Variants in CBFA2T2 observed in about 807,000 individuals in gnomAD.
CBFA2T2 encodes CBFA2/RUNX1 partner transcriptional co-repressor 2, also known as protein CBFA2T2.
In CBFA2T2, 11 loss-of-function variants were observed where a neutral mutation model predicts 62.2. That is an observed-to-expected ratio of 0.18 (90% CI 0.11 to 0.29). The LOEUF (loss-of-function observed/expected upper bound fraction) is 0.29. CBFA2T2 is among the 10% of genes least tolerant of loss of function. The probability of loss-of-function intolerance (pLI) is 1.00; values close to 1 mark genes in which losing one functional copy is unlikely to be tolerated. For missense variants in CBFA2T2, 592 were observed against 774.1 expected (o/e 0.76, Z 2.79); for synonymous variants, 295 against 287.5 (o/e 1.03, Z -0.27).
intron 5 of CBFA2T2, chr20:33,623,954 G>GAAAAAAAAAAAAAATAA: frequency 3.1e-6 from 1 of 320,170 alleles, no homozygotes. Context: ...GAAAGAATTG[G>GAAAAAAAAAAAAAATAA]AAAAAAAAAA....
At chr20:33,542,439 A>AT (rs542730477) in intron 1 of CBFA2T2, among the ~76,000 whole-genome samples, 2 of 151,216 alleles carry the variant, frequency 1.3e-5, no homozygotes, top group Admixed American at 6.6e-5. Flanking sequence ...TTAGTTTTAA[A>AT]TTTTTTTTTA....
chr20:33,627,141 T>C (rs2016263954), intron 6 of CBFA2T2, among the ~76,000 whole-genome samples: 1 of 152,150 alleles, frequency 6.6e-6, no homozygotes, highest in Admixed American at 6.5e-5. Context: ...TTCATGCCTG[T>C]AATCCCAGCA....
At chr20:33,496,952 C>G (rs1214348396) in intron 1 of CBFA2T2, among the ~76,000 whole-genome samples, 1 of 152,120 alleles carries the variant, frequency 6.6e-6, no homozygotes, top group Non-Finnish European at 1.5e-5. Context: ...GACTCTGTCC[C>G]TTGACTGAAG....
chr20:33,623,162 G>A lies in CBFA2T2; in HGVS notation c.558G>A (p.Ala186=), dbSNP rs368919989. The A allele has an allele frequency of 2.0e-5, 32 of 1,614,218 alleles. No individual in the cohort carries two copies. The African/African-American group carries it at 2.7e-4, about 13-fold the overall frequency. ...GGGAACTGCTGCACTGCGCTCGGGC[G>A]GCCAAGCAGACCCCATCCCAGTACC... ...LQRELLHCAR[A]AKQTPSQYLA... The change falls in exon 5 of 11, where the codon GCG becomes GCA. Residue 186 remains alanine (A), a synonymous_variant. Transcript: ENST00000342704.
chr20:33,640,664 G>C (rs954081794), intron 10 of CBFA2T2, 133 bp downstream of exon 10: 1 of 743,968 alleles, frequency 1.3e-6, no homozygotes, highest in Admixed American at 2.9e-5. Flanking sequence ...TTTATCCAGT[G>C]CCAGGAGAGT....
intron 1 of CBFA2T2, among the ~76,000 whole-genome samples, chr20:33,536,131 C>G (rs999610800): frequency 2.0e-5 from 3 of 152,378 alleles, no homozygotes; most frequent in African/African-American, 7.2e-5. Context: ...TCCCCCCTTT[C>G]TATTCCACAA....
chr20:33,604,873 G>A (rs904239739), intron 1 of CBFA2T2, among the ~76,000 whole-genome samples: 1 of 152,220 alleles, frequency 6.6e-6, no homozygotes, highest in Non-Finnish European at 1.5e-5. Flanking sequence ...CTGGAAATGT[G>A]TCAACTGTTC....
At chr20:33,536,105 A>G (rs1349357254) in intron 1 of CBFA2T2, among the ~76,000 whole-genome samples, 3 of 152,092 alleles carry the variant, frequency 2.0e-5, no homozygotes, top group Admixed American at 6.5e-5. Flanking sequence ...CGATTTCCCA[A>G]TCTTTTCCCC....
At chr20:33,536,376 G>A (rs866704978) in intron 1 of CBFA2T2, among the ~76,000 whole-genome samples, 3 of 150,516 alleles carry the variant, frequency 2.0e-5, no homozygotes, top group Non-Finnish European at 4.5e-5. Flanking sequence ...AGGGGCGGCC[G>A]GGCAGAGGCG....
intron 1 of CBFA2T2, among the ~76,000 whole-genome samples, chr20:33,490,721 C>T (rs890765246): frequency 1.3e-5 from 2 of 152,218 alleles, no homozygotes; most frequent in African/African-American, 4.8e-5. Context: ...TGAGCGCAGG[C>T]TCAGTAGTTG....
chr20:33,635,935 A>G (rs1016537541), intron 8 of CBFA2T2, among the ~76,000 whole-genome samples: 3 of 152,192 alleles, frequency 2.0e-5, no homozygotes, highest in Non-Finnish European at 4.4e-5. Flanking sequence ...ACATTTTTCC[A>G]TAGGCTCAAT....
chr20:33,511,886 A>T (rs1229046986), intron 1 of CBFA2T2, among the ~76,000 whole-genome samples: 1 of 152,098 alleles, frequency 6.6e-6, no homozygotes, highest in Admixed American at 6.6e-5. Context: ...CCCTGTCTCA[A>T]GAAGAAGAAG....
rs1170940977 is a variant in CBFA2T2 at position 33,648,853 on chromosome 20, A to G, written c.*4207A>G. The G allele has an allele frequency of 6.6e-6, 1 of 152,232 alleles. No homozygotes were observed. The highest frequency in any genetic ancestry group is 6.5e-5 in the Admixed American group (1 of 15,290). The allele number at this position is 152,232 out of a possible 1,614,324, so 9.4% of individuals were successfully genotyped here. On this transcript the variant is annotated 3_prime_UTR_variant, in exon 11 of 11. Transcript: ENST00000342704. ...CTTCCAGACAGAAAACCCATGCTTT[A>G]CTTTGTACAGCCCTGTCCCAGAGTT...
At chr20:33,620,611 A>G (rs1170114261) in intron 4 of CBFA2T2, among the ~76,000 whole-genome samples, 2 of 152,238 alleles carry the variant, frequency 1.3e-5, no homozygotes, top group African/African-American at 2.4e-5. Flanking sequence ...AGGCCGAGGC[A>G]GGCAGATTAC....
chr20:33,628,218 C>A, intron 6 of CBFA2T2, 132 bp from the exon 7 acceptor site: 1 of 655,432 alleles, frequency 1.5e-6, no homozygotes, highest in Admixed American at 2.5e-5. Context: ...TGTGGGTCCC[C>A]CACCCCATTG....
intron 1 of CBFA2T2, among the ~76,000 whole-genome samples, chr20:33,586,290 TGCCTCA>T (rs2014366678): frequency 6.6e-6 from 1 of 152,138 alleles, no homozygotes; most frequent in South Asian, 2.1e-4. Flanking sequence ...GTGATTCTTG[TGCCTCA>T]GCCTCCTGAG....
At chr20:33,503,090 CAAAAAAAAAAA>C (rs35577702) in intron 1 of CBFA2T2, among the ~76,000 whole-genome samples, 1 of 52,854 alleles carries the variant, frequency 1.9e-5, no homozygotes, top group African/African-American at 7.8e-5. Context: ...GACTCTGTCT[CAAAAAAAAAAA>C]AAAAAAAAAA....
intron 9 of CBFA2T2, chr20:33,639,407 T>A (rs2016741875): frequency 6.6e-6 from 1 of 152,216 alleles, no homozygotes; most frequent in Non-Finnish European, 1.5e-5. Context: ...ACCCTGTCTC[T>A]ATTAAAAATA....
rs373462820 is a variant in CBFA2T2 at position 33,624,236 on chromosome 20, TAAAAAAA to T, written c.693-515_693-509del. ...GGCTTTAATGACATTTTTTTAAAAG[TAAAAAAA>T]AAAAAAAAAAAAGAAAATTTATTAC... On this transcript the variant is annotated intron_variant, in intron 5 of 10. Transcript: ENST00000342704. Among the ~76,000 whole-genome samples, 65 of 70,054 alleles carry T rather than the reference TAAAAAAA, an allele frequency of 9.3e-4. No homozygotes were observed. The East Asian group carries it at 0.023, about 25-fold the overall frequency. 46.0% of individuals were successfully genotyped at this position (70,054 alleles called of 152,430 possible).
Sources: allele counts gnomAD v4.1 joint callset (sites outside exome capture counted in the v4.1 genomes callset), GRCh38; gene constraint gnomAD v4.1.1; transcripts MANE v1.5; gene names NCBI Gene and HGNC (gene_info 2026-07-23, HGNC 2026-07-21).